Variants in GLYATL2 observed in about 807,000 individuals in gnomAD.
The protein encoded by GLYATL2 is glycine N-acyltransferase-like protein 2.
In GLYATL2, 25 loss-of-function variants were observed where a neutral mutation model predicts 21.4. That is an observed-to-expected ratio of 1.17 (90% CI 0.85 to 1.63). The LOEUF is 1.63. Ranked by LOEUF, GLYATL2 falls within the 40% of genes most tolerant of loss-of-function variation. The pLI is 0.00. For synonymous variants in GLYATL2, 114 were observed against 118.2 expected, an observed-to-expected ratio of 0.96 and a Z score of 0.23; for missense variants, 361 against 343.3, an observed-to-expected ratio of 1.05 and a Z score of -0.41.
intron 1 of GLYATL2, among the ~76,000 whole-genome samples, chr11:58,876,602 C>T (rs920176324): frequency 3.3e-5 from 5 of 152,142 alleles, no homozygotes; most frequent in Non-Finnish European, 5.9e-5. Flanking sequence ...TGCAGAACAG[C>T]GGATATTAGT....
In GLYATL2 at chr11:58,855,659, T is replaced by C. The variant is rs1327601947; in HGVS notation, n.61-17291A>G. ...TGAAGTTAGGCATTGTCTTCCCCTTTCCAGCTCTGAAAGTCCTTGATGGCA... is the reference window on the plus strand; with the variant it reads ...TGAAGTTAGGCATTGTCTTCCCCTTCCCAGCTCTGAAAGTCCTTGATGGCA... On this transcript the variant is annotated intron_variant and non_coding_transcript_variant, in intron 1 of 4. Coordinates refer to the GLYATL2 transcript ENST00000533636. Among the ~76,000 whole-genome samples the C allele has an allele frequency of 3.3e-5, 5 of 152,346 alleles. 1 individual carries two copies. Among genetic ancestry groups the C allele is most frequent in the African/African-American group, 1.2e-4 (5 of 41,584 alleles).
At chr11:58,907,438 G>A (rs1378942012), upstream of GLYATL2, 1 of 452,040 alleles carries the variant, frequency 2.2e-6, no homozygotes, top group Middle Eastern at 3.3e-4. Context: ...ATGATGTCTA[G>A]TTCCTTGCAA....
intron 1 of GLYATL2, among the ~76,000 whole-genome samples, chr11:58,889,250 G>GT (rs1331922634): frequency 1.3e-5 from 2 of 151,636 alleles, no homozygotes; most frequent in African/African-American, 2.4e-5. Context: ...TTTAAAACCT[G>GT]TTTTTTTGTG....
rs867149913 is a variant in GLYATL2 at position 58,834,260 on chromosome 11, C to T, written c.*169G>A. On this transcript the variant is annotated 3_prime_UTR_variant, in exon 6 of 6. Coordinates refer to ENST00000287275, the MANE Select transcript of GLYATL2 (RefSeq NM_145016.4). ...ACCATAAAATTGAGCTTCTAATTTT[C>T]TGTAAGAATACAGAGGAGAAGGAAG... 1 of 460,732 alleles carries T rather than the reference C, an allele frequency of 2.2e-6. No individual in the cohort carries two copies. Among genetic ancestry groups the T allele is most frequent in the Non-Finnish European group, 3.7e-6 (1 of 270,834 alleles). 28.5% of individuals were successfully genotyped at this position (460,732 alleles called of 1,614,324 possible).
intron 1 of GLYATL2, among the ~76,000 whole-genome samples, chr11:58,871,066 T>A (rs1359209908): frequency 3.3e-5 from 5 of 152,160 alleles, no homozygotes; most frequent in Non-Finnish European, 5.9e-5. Context: ...ATCAACTAAG[T>A]TGAGAAAGAC....
At chr11:58,901,874 G>A (rs772073670) in intron 1 of GLYATL2, among the ~76,000 whole-genome samples, 1 of 152,076 alleles carries the variant, frequency 6.6e-6, no homozygotes, top group African/African-American at 2.4e-5. Flanking sequence ...ATTCATCTCC[G>A]AGTACCACTG....
At chr11:58,858,186 G>T (rs1853865938) in intron 1 of GLYATL2, among the ~76,000 whole-genome samples, 1 of 152,016 alleles carries the variant, frequency 6.6e-6, no homozygotes, top group Non-Finnish European at 1.5e-5. Flanking sequence ...GAAGAAAGTG[G>T]GGGAAAAAAA....
At chr11:58,854,828 T>C (rs628312) in intron 1 of GLYATL2, among the ~76,000 whole-genome samples, 135,046 of 152,226 alleles carry the variant, frequency 0.89, 61,070 homozygotes, top group Non-Finnish European at 0.98. Context: ...ATTTCAGCAA[T>C]GTTCACAAAA....
upstream of GLYATL2, among the ~76,000 whole-genome samples, chr11:58,846,239 T>A (rs1590719270): frequency 6.6e-6 from 1 of 152,152 alleles, no homozygotes; most frequent in African/African-American, 2.4e-5. Flanking sequence ...TAAATTTTTT[T>A]TATATAGTTT....
Position 58,834,383 on chromosome 11 carries a change from TG to T in GLYATL2, c.*45del, listed in dbSNP as rs1310990781. 1 of 1,458,262 alleles carries T rather than the reference TG, an allele frequency of 6.9e-7. No homozygotes were observed. The highest frequency in any genetic ancestry group is 9.3e-7 in the Non-Finnish European group (1 of 1,079,928). 90.3% of individuals were successfully genotyped at this position (1,458,262 alleles called of 1,614,324 possible). On this transcript the variant is annotated 3_prime_UTR_variant, in exon 6 of 6. Transcript: ENST00000287275. ...ATCACAATGCTTGTGTTTGAATTAA[TG>T]TTTTTTTACTGATAAGAAAGATTTG...
rs1854465015 is a variant in GLYATL2, at chr11:58,887,542, C to A, written n.60+16614G>T. 2.0e-5 allele frequency among the ~76,000 whole-genome samples: 3 copies of A among 152,164 alleles called. No individual in the cohort carries two copies. In the South Asian group the frequency reaches 6.2e-4, roughly 32 times the overall value. On this transcript the variant is annotated intron_variant and non_coding_transcript_variant, in intron 1 of 4. Transcript: ENST00000533636. ...CCTCCTCTCCTCTCCTCCTTTTCTA[C>A]CCCTTGGGGTAATCAGTGTCCTTGC...
In GLYATL2 at chr11:58,837,181, G is replaced by C; in HGVS notation, c.314-4C>G. On this transcript the variant is annotated splice_region_variant and splice_polypyrimidine_tract_variant and intron_variant, in intron 4 of 5. Coordinates refer to ENST00000287275, the MANE Select transcript of GLYATL2 (RefSeq NM_145016.4). ...TCATCCAAGCCCTCTTGGCAACCTG[G>C]AGAAAGGAGAAAGACAAGTACCACT... 1.2e-6 allele frequency: 2 copies of C among 1,613,346 alleles called. No homozygotes were observed. Among genetic ancestry groups the C allele is most frequent in the Non-Finnish European group, 1.7e-6 (2 of 1,179,730 alleles).
intron 1 of GLYATL2, among the ~76,000 whole-genome samples, chr11:58,880,616 A>C (rs1854315977): frequency 6.6e-6 from 1 of 152,224 alleles, no homozygotes; most frequent in Non-Finnish European, 1.5e-5. Context: ...AGAAACAGCA[A>C]AGAAAGCTCT....
At chr11:58,876,365 T>C (rs895355258) in intron 1 of GLYATL2, among the ~76,000 whole-genome samples, 1 of 152,216 alleles carries the variant, frequency 6.6e-6, no homozygotes, top group Non-Finnish European at 1.5e-5. Context: ...GGAGAGTCAC[T>C]CTGATTTTTA....
chr11:58,907,217 G>C (rs1854917098), upstream of GLYATL2: 2 of 408,652 alleles, frequency 4.9e-6, no homozygotes, highest in African/African-American at 2.0e-5. Context: ...TGAGTTTTCT[G>C]TCTCTCTCTC....
chr11:58,850,412 A>G (rs1231604977), intron 1 of GLYATL2, among the ~76,000 whole-genome samples: 2 of 152,198 alleles, frequency 1.3e-5, no homozygotes, highest in Non-Finnish European at 2.9e-5. Context: ...GTTATACTAG[A>G]TATAGATCAT....
upstream of GLYATL2, chr11:58,907,137 A>G (rs1017279062): frequency 8.1e-6 from 3 of 370,502 alleles, no homozygotes; most frequent in Admixed American, 9.5e-5. Flanking sequence ...CTGGCCTTGG[A>G]AAGTTTTCTC....
At chr11:58,896,749 T>C (rs1304474733) in intron 1 of GLYATL2, among the ~76,000 whole-genome samples, 1 of 80,656 alleles carries the variant, frequency 1.2e-5, no homozygotes, top group African/African-American at 3.7e-5. Context: ...GTTTTGTTTT[T>C]ATTTTAACGG....
chr11:58,894,292 G>C (rs1170859530), intron 1 of GLYATL2, among the ~76,000 whole-genome samples: 1 of 152,110 alleles, frequency 6.6e-6, no homozygotes, highest in Non-Finnish European at 1.5e-5. Flanking sequence ...AGAAAATTCA[G>C]ATGATGGAAA....
Sources: gnomAD v4.1 joint callset for allele counts (sites outside exome capture counted in the v4.1 genomes callset) on GRCh38, gnomAD v4.1.1 for gene constraint, MANE v1.5 for transcripts, NCBI Gene and HGNC (gene_info 2026-07-23, HGNC 2026-07-21) for gene names.